Variants in LPP observed in about 807,000 individuals in gnomAD.
LPP encodes LIM domain containing preferred translocation partner in lipoma.
Under a neutral mutation model 60.4 loss-of-function variants are expected in LPP, and 38 were observed. That is an observed-to-expected ratio of 0.63 (90% CI 0.49 to 0.83). LPP has a LOEUF of 0.83. Ranked by LOEUF, LPP falls within the 40% of genes least tolerant of loss-of-function variation. LPP has a pLI of 0.00. For synonymous variants in LPP, 328 were observed against 290.8 expected (o/e 1.13, Z -1.30); for missense variants, 902 against 783.6 (o/e 1.15, Z -1.80).
chr3:188,240,235 T>C (rs546325375), intron 2 of LPP: 6 of 175,480 alleles, frequency 3.4e-5, no homozygotes, highest in South Asian at 2.0e-4. Flanking sequence ...ATCCTTTTGG[T>C]ATCAAATTTT....
intron 7 of LPP, among the ~76,000 whole-genome samples, chr3:188,684,518 T>C (rs941521505): frequency 6.6e-6 from 1 of 152,236 alleles, no homozygotes; most frequent in African/African-American, 2.4e-5. Context: ...CCTTCACTGA[T>C]AGCTTATAGC....
intron 4 of LPP, among the ~76,000 whole-genome samples, chr3:188,422,279 C>T (rs181615915): frequency 1.6e-4 from 24 of 152,160 alleles, no homozygotes; most frequent in Non-Finnish European, 2.6e-4. Context: ...AATCAAGGTT[C>T]GACAGCACGG....
At chr3:188,405,675 T>A (rs1783290023) in intron 3 of LPP, among the ~76,000 whole-genome samples, 1 of 152,168 alleles carries the variant, frequency 6.6e-6, no homozygotes, top group African/African-American at 2.4e-5. Flanking sequence ...GGCATAACCA[T>A]TTAATTGGTG....
intron 8 of LPP, chr3:188,708,829 TGCCACTGCACTCCA>T (rs1305256834): frequency 9.7e-6 from 2 of 206,478 alleles, no homozygotes; most frequent in Non-Finnish European, 1.9e-5. Flanking sequence ...GCTGTGGTTG[TGCCACTGCACTCCA>T]GCCTGGACAA....
chr3:188,458,022 C>G (rs1321290354), intron 4 of LPP, among the ~76,000 whole-genome samples: 1 of 152,108 alleles, frequency 6.6e-6, no homozygotes, highest in Non-Finnish European at 1.5e-5. Flanking sequence ...CATGGAGCAG[C>G]AGATATTGTA....
intron 2 of LPP, among the ~76,000 whole-genome samples, chr3:188,302,553 A>G (rs1750238122): frequency 6.6e-6 from 1 of 152,176 alleles, no homozygotes; most frequent in Non-Finnish European, 1.5e-5. Flanking sequence ...ATTTGACAGA[A>G]TGGGGTTTTC....
At chr3:188,545,171 G>A (rs1427154540) in intron 6 of LPP, among the ~76,000 whole-genome samples, 9 of 126,224 alleles carry the variant, frequency 7.1e-5, no homozygotes, top group Non-Finnish European at 1.2e-4. Flanking sequence ...ACGTTAGTGG[G>A]TGCAGCGTAC....
chr3:188,534,096 G>A (rs1320670852), intron 6 of LPP, among the ~76,000 whole-genome samples: 1 of 152,182 alleles, frequency 6.6e-6, no homozygotes, highest in East Asian at 1.9e-4. Flanking sequence ...CCCAGTGTAA[G>A]AGCTGGCTCT....
chr3:188,233,796 C>G (rs1187252127), intron 2 of LPP, among the ~76,000 whole-genome samples: 1 of 152,078 alleles, frequency 6.6e-6, no homozygotes, highest in African/African-American at 2.4e-5. Context: ...TAAAAATCAG[C>G]ATTTACAACT....
intron 9 of LPP, among the ~76,000 whole-genome samples, chr3:188,818,616 T>C (rs1753113649): frequency 6.6e-6 from 1 of 152,172 alleles, no homozygotes; most frequent in Non-Finnish European, 1.5e-5. Context: ...ATATGTGAGA[T>C]TGAGAGGCAG....
intron 3 of LPP, among the ~76,000 whole-genome samples, chr3:188,394,876 A>G (rs748184374): frequency 1.2e-4 from 19 of 152,180 alleles, no homozygotes; most frequent in Non-Finnish European, 2.8e-4. Context: ...GACTTAAGAA[A>G]AAGGTCCCCA....
intron 7 of LPP, among the ~76,000 whole-genome samples, chr3:188,699,908 T>C (rs926211346): frequency 2.6e-5 from 4 of 152,040 alleles, no homozygotes; most frequent in African/African-American, 9.7e-5. Context: ...CCACAGGAAA[T>C]TGCAAACTGC....
chr3:188,539,761 A>T (rs916208317), intron 6 of LPP, among the ~76,000 whole-genome samples: 8 of 152,216 alleles, frequency 5.3e-5, no homozygotes, highest in Admixed American at 4.6e-4. Flanking sequence ...TGTTGGTCTC[A>T]CCACCAACAT....
intron 9 of LPP, among the ~76,000 whole-genome samples, chr3:188,779,185 A>T (rs1738799300): frequency 6.6e-6 from 1 of 152,112 alleles, no homozygotes; most frequent in Non-Finnish European, 1.5e-5. Context: ...AAATTCTTGC[A>T]GTTTGGAGTA....
intron 6 of LPP, among the ~76,000 whole-genome samples, chr3:188,601,159 G>A (rs1483274605): frequency 6.6e-6 from 1 of 151,926 alleles, no homozygotes; most frequent in African/African-American, 2.4e-5. Context: ...GATATATTTT[G>A]AAATATTTTT....
chr3:188,226,284 T>C (rs967661944), intron 2 of LPP, among the ~76,000 whole-genome samples: 3 of 152,132 alleles, frequency 2.0e-5, no homozygotes, highest in South Asian at 2.1e-4. Flanking sequence ...GCTGGGATTA[T>C]AGGTGTGAGC....
chr3:188,798,905 A>T (rs1163372639), intron 9 of LPP, among the ~76,000 whole-genome samples: 2 of 152,232 alleles, frequency 1.3e-5, no homozygotes, highest in Admixed American at 1.3e-4. Flanking sequence ...CTTGCTCAGT[A>T]TCTTAAAATA....
chr3:188,372,283 T>A (rs898627332), intron 3 of LPP, among the ~76,000 whole-genome samples: 2 of 152,174 alleles, frequency 1.3e-5, no homozygotes, highest in Non-Finnish European at 2.9e-5. Context: ...TATAAATTAA[T>A]ATAAGATAAA....
At chr3:188,696,420 G>A (rs1863254315) in intron 7 of LPP, among the ~76,000 whole-genome samples, 1 of 152,068 alleles carries the variant, frequency 6.6e-6, no homozygotes, top group Non-Finnish European at 1.5e-5. Context: ...ATCACTTGAG[G>A]TCAGGAGTTA....
Sources: allele counts gnomAD v4.1 joint callset (sites outside exome capture counted in the v4.1 genomes callset), GRCh38; gene constraint gnomAD v4.1.1; transcripts MANE v1.5; gene names NCBI Gene and HGNC (gene_info 2026-07-23, HGNC 2026-07-21).